Variants in FSTL4 observed in about 807,000 individuals in gnomAD.
The protein encoded by FSTL4 is follistatin-related protein 4.
A neutral mutation model predicts 78.2 loss-of-function variants in FSTL4; 28 were observed. The observed-to-expected ratio is 0.36, with a 90% confidence interval of 0.27 to 0.49. FSTL4 has a LOEUF of 0.49. FSTL4 is among the 20% of genes least tolerant of loss of function. The probability of loss-of-function intolerance (pLI) is 0.98; values close to 1 mark genes in which losing one functional copy is unlikely to be tolerated. For synonymous variants in FSTL4, 422 were observed against 440.5 expected, an observed-to-expected ratio of 0.96 and a Z score of 0.53; for missense variants, 922 against 1,084.9, an observed-to-expected ratio of 0.85 and a Z score of 2.11.
chr5:133,669,447 A>G, the FSTL4 span, among the ~76,000 whole-genome samples: 4 of 152,200 alleles, frequency 2.6e-5, no homozygotes, highest in Non-Finnish European at 5.9e-5. Flanking sequence ...TAAATCATTG[A>G]AAACAGAAGA....
chr5:133,444,293 T>A lies in FSTL4; in HGVS notation c.161-43307A>T, dbSNP rs114092181. Among the ~76,000 whole-genome samples, 1,043 of 152,322 alleles carry A rather than the reference T, an allele frequency of 6.8e-3. 14 individuals are homozygous for A. The highest frequency in any genetic ancestry group is 0.024 in the African/African-American group (986 of 41,576). On this transcript the variant is annotated intron_variant, in intron 3 of 15. Transcript: ENST00000265342. ...AGACCGTTCATGATTTCATGATGGT[T>A]AGAAGCACTGAGCACAGTTGGGCCA...
intron 3 of FSTL4, among the ~76,000 whole-genome samples, chr5:133,526,556 T>C (rs896404483): frequency 6.6e-5 from 10 of 152,122 alleles, no homozygotes; most frequent in Non-Finnish European, 4.4e-5. Flanking sequence ...GGGTTCCTAA[T>C]GACCCCTGGA....
chr5:133,347,876 G>A (rs960788075), intron 4 of FSTL4, among the ~76,000 whole-genome samples: 27 of 152,248 alleles, frequency 1.8e-4, no homozygotes, highest in Non-Finnish European at 2.9e-4. Context: ...TTAGAGATGA[G>A]GAAACAGACC....
intron 3 of FSTL4, among the ~76,000 whole-genome samples, chr5:133,470,600 T>C (rs1433419940): frequency 6.6e-6 from 1 of 151,530 alleles, no homozygotes; most frequent in Non-Finnish European, 1.5e-5. Flanking sequence ...CAAAACTTAG[T>C]CAAGAGTAGT....
the FSTL4 span, among the ~76,000 whole-genome samples, chr5:133,710,145 A>G: frequency 6.6e-6 from 1 of 152,188 alleles, no homozygotes; most frequent in Non-Finnish European, 1.5e-5. Flanking sequence ...TGCCCTGGAC[A>G]TGAGCCATCA....
chr5:133,306,412 G>A (rs1157466042), intron 6 of FSTL4, among the ~76,000 whole-genome samples: 1 of 152,236 alleles, frequency 6.6e-6, no homozygotes, highest in African/African-American at 2.4e-5. Context: ...GCCAGTTAGC[G>A]GCCCTCTGGT....
chr5:133,693,637 C>T, the FSTL4 span, among the ~76,000 whole-genome samples: 113 of 152,346 alleles, frequency 7.4e-4, no homozygotes, highest in African/African-American at 2.6e-3. Context: ...ACATTATGAG[C>T]TGTCTTAGTA....
chr5:133,781,399 GT>G, the FSTL4 span, among the ~76,000 whole-genome samples: 1,657 of 146,278 alleles, frequency 0.011, 39 homozygotes, highest in African/African-American at 0.042. Context: ...GTGTGTGTGT[GT>G]GTGTGTGTGT....
intron 3 of FSTL4, among the ~76,000 whole-genome samples, chr5:133,500,354 T>A (rs1431494480): frequency 6.6e-6 from 1 of 152,178 alleles, no homozygotes; most frequent in African/African-American, 2.4e-5. Context: ...AACTCTGAAC[T>A]TGGGCCTGTC....
chr5:133,602,678 A>G (rs530197556), intron 2 of FSTL4, among the ~76,000 whole-genome samples: 5 of 152,176 alleles, frequency 3.3e-5, no homozygotes, highest in Non-Finnish European at 7.3e-5. Context: ...AAAGAGCATT[A>G]AATTGCGTCC....
intron 4 of FSTL4, among the ~76,000 whole-genome samples, chr5:133,347,018 T>C (rs1056699711): frequency 6.6e-6 from 1 of 152,210 alleles, no homozygotes; most frequent in Non-Finnish European, 1.5e-5. Context: ...TTTTATTAGA[T>C]TTAAAAATTT....
intron 3 of FSTL4, among the ~76,000 whole-genome samples, chr5:133,481,725 C>G (rs1392465095): frequency 6.6e-6 from 1 of 152,106 alleles, no homozygotes; most frequent in African/African-American, 2.4e-5. Context: ...CAGACATAGA[C>G]CCTACCTACA....
At chr5:133,606,843 G>A (rs2112982834) in intron 1 of FSTL4, among the ~76,000 whole-genome samples, 1 of 152,336 alleles carries the variant, frequency 6.6e-6, no homozygotes, top group Non-Finnish European at 1.5e-5. Context: ...TATGTTTTAT[G>A]TTTTGGTACT....
the FSTL4 span, among the ~76,000 whole-genome samples, chr5:133,770,550 C>G: frequency 1.3e-5 from 2 of 152,090 alleles, no homozygotes; most frequent in Non-Finnish European, 2.9e-5. Context: ...CTGCTCATGT[C>G]CTTTGCCCAA....
At chr5:133,387,034 G>A (rs1755715500) in intron 4 of FSTL4, among the ~76,000 whole-genome samples, 1 of 152,188 alleles carries the variant, frequency 6.6e-6, no homozygotes, top group Non-Finnish European at 1.5e-5. Context: ...CCTGCTGTCT[G>A]ATCAGTTGCA....
At chr5:133,471,827 TGAC>T (rs1313042750) in intron 3 of FSTL4, among the ~76,000 whole-genome samples, 4 of 152,330 alleles carry the variant, frequency 2.6e-5, no homozygotes, top group Admixed American at 2.6e-4. Context: ...TTTAAAAGTA[TGAC>T]GGTGTGGTTT....
At chr5:133,300,912 G>A (rs1272935535) in intron 6 of FSTL4, among the ~76,000 whole-genome samples, 1 of 152,150 alleles carries the variant, frequency 6.6e-6, no homozygotes, top group Non-Finnish European at 1.5e-5. Flanking sequence ...CTTTCTCTGT[G>A]GAGCCGGAAG....
intron 3 of FSTL4, among the ~76,000 whole-genome samples, chr5:133,482,866 C>T (rs533295737): frequency 9.9e-5 from 15 of 152,238 alleles, no homozygotes; most frequent in Admixed American, 7.2e-4. Flanking sequence ...GGGCCCCTTG[C>T]TGATAATCCA....
the FSTL4 span, among the ~76,000 whole-genome samples, chr5:133,822,572 G>C: frequency 6.6e-6 from 1 of 152,006 alleles, no homozygotes; most frequent in Admixed American, 6.6e-5. Context: ...GGAAGGTGAG[G>C]GTGGAGCCGT....
Sources: allele counts gnomAD v4.1 joint callset (sites outside exome capture counted in the v4.1 genomes callset), GRCh38; gene constraint gnomAD v4.1.1; transcripts MANE v1.5; gene names NCBI Gene and HGNC (gene_info 2026-07-23, HGNC 2026-07-21).